The following LTBP1 variants were observed in gnomAD, a reference collection of about 807,000 sequenced individuals.
LTBP1 encodes the protein latent transforming growth factor beta binding protein 1.
A neutral mutation model predicts 207.6 loss-of-function variants in LTBP1; 129 were observed. The observed-to-expected ratio is 0.62, with a 90% CI of 0.54 to 0.72. The LOEUF is 0.72. Ranked by LOEUF, LTBP1 falls within the 30% of genes least tolerant of loss-of-function variation. The pLI is 0.00. For missense variants in LTBP1, 2,281 were observed against 2,217.2 expected, an observed-to-expected ratio of 1.03 and a Z score of -0.58; for synonymous variants, 963 against 833.7, an observed-to-expected ratio of 1.16 and a Z score of -2.67.
At chr2:33,283,468 G>T (rs952213840) in intron 19 of LTBP1, among the ~76,000 whole-genome samples, 8 of 110,512 alleles carry the variant, frequency 7.2e-5, no homozygotes, top group African/African-American at 2.5e-4. Flanking sequence ...ACGGAGTCTC[G>T]CTCTTTCGCC....
intron 5 of LTBP1, among the ~76,000 whole-genome samples, chr2:33,183,118 C>T (rs760562741): frequency 2.0e-4 from 30 of 152,054 alleles, no homozygotes; most frequent in East Asian, 5.8e-4. Context: ...TTGTACAAAA[C>T]GTTGGAAGCT....
At chr2:32,984,095 G>A (rs79500623) in intron 2 of LTBP1, among the ~76,000 whole-genome samples, 6,004 of 152,188 alleles carry the variant, frequency 0.039, 193 homozygotes, top group Non-Finnish European at 0.066. Flanking sequence ...AGCACTCAAG[G>A]GAGGTCCCCC....
chr2:33,259,649 G>T (rs751416145), intron 13 of LTBP1, 39 bp downstream of exon 13: 3 of 1,568,208 alleles, frequency 1.9e-6, no homozygotes, highest in Non-Finnish European at 8.7e-7. Context: ...TTTTTTCAAC[G>T]CTCAAAGTGA....
chr2:33,132,144 T>G (rs1288073578), intron 4 of LTBP1, among the ~76,000 whole-genome samples: 1 of 152,230 alleles, frequency 6.6e-6, no homozygotes, highest in Non-Finnish European at 1.5e-5. Context: ...TCTTTTGAAG[T>G]GGGAAAATGT....
chr2:33,116,785 C>CA (rs756030533), intron 4 of LTBP1, among the ~76,000 whole-genome samples: 5,719 of 132,072 alleles, frequency 0.043, 129 homozygotes, highest in Middle Eastern at 0.064. Flanking sequence ...CATTAAATTG[C>CA]AAAAAAAAAA....
intron 15 of LTBP1, among the ~76,000 whole-genome samples, chr2:33,264,079 C>A (rs1414698300): frequency 6.6e-6 from 1 of 151,414 alleles, no homozygotes; most frequent in South Asian, 2.1e-4. Flanking sequence ...CACGGTGAAA[C>A]CCCATCTCTA....
At chr2:32,970,743 C>CTT (rs35755633) in intron 2 of LTBP1, among the ~76,000 whole-genome samples, 2 of 147,514 alleles carry the variant, frequency 1.4e-5, no homozygotes, top group African/African-American at 5.0e-5. Flanking sequence ...TGTTTGGGCT[C>CTT]TTTTTTTTTT....
intron 24 of LTBP1, among the ~76,000 whole-genome samples, chr2:33,330,407 T>G (rs1252855108): frequency 6.6e-6 from 1 of 151,956 alleles, no homozygotes; most frequent in Non-Finnish European, 1.5e-5. Context: ...CAATGTTGAC[T>G]AGAAGTGGTG....
chr2:33,264,085 C>G (rs570928735), intron 15 of LTBP1, among the ~76,000 whole-genome samples: 4 of 151,766 alleles, frequency 2.6e-5, no homozygotes, highest in African/African-American at 7.3e-5. Flanking sequence ...GAAACCCCAT[C>G]TCTACTAAAA....
chr2:33,301,382 A>G lies in LTBP1; in HGVS notation c.3359-140A>G, dbSNP rs191972159. On this transcript the variant is annotated intron_variant, in intron 21 of 33. Transcript: ENST00000404816. ...AAGCAAAAAAGTCTCCTGAGATAGT[A>G]TTACAAAAGCGACAATACATGATGG... 1,324 of 968,452 alleles carry G rather than the reference A, an allele frequency of 1.4e-3. 17 individuals are homozygous for G. Among genetic ancestry groups the G allele is most frequent in the Non-Finnish European group, 2.0e-4 (135 of 681,570 alleles). 60.0% of individuals were successfully genotyped at this position (968,452 alleles called of 1,614,324 possible).
rs900521992 is a variant in LTBP1, at chr2:33,020,182, C to T, written c.566-727C>T. On this transcript the variant is annotated intron_variant, in intron 2 of 33. Transcript: ENST00000404816. ...TACAAACTAGCAGGTGTGTTTTGGG[C>T]GACTCTCAACCTTTCTGCCCTTGGT... 3.9e-5 allele frequency among the ~76,000 whole-genome samples: 6 copies of T among 152,002 alleles called. No homozygotes were observed. The South Asian group carries it at 6.2e-4, about 16-fold the overall frequency.
At chr2:33,100,421 G>A (rs1423174866) in intron 3 of LTBP1, among the ~76,000 whole-genome samples, 2 of 151,988 alleles carry the variant, frequency 1.3e-5, no homozygotes, top group Non-Finnish European at 2.9e-5. Context: ...GAAGGATGGG[G>A]GCAGGGGGGG....
intron 24 of LTBP1, among the ~76,000 whole-genome samples, chr2:33,342,540 A>T (rs996165963): frequency 1.1e-4 from 16 of 152,262 alleles, no homozygotes; most frequent in Admixed American, 9.2e-4. Context: ...AGAGTCGAGA[A>T]CGTTTAGGTA....
At chr2:33,346,713 G>A (rs540726844) in intron 25 of LTBP1, among the ~76,000 whole-genome samples, 1 of 151,636 alleles carries the variant, frequency 6.6e-6, no homozygotes, top group East Asian at 2.0e-4. Context: ...AGAGTAGAGT[G>A]TTGCGTCATT....
At chr2:33,013,786 C>G (rs538876972) in intron 2 of LTBP1, among the ~76,000 whole-genome samples, 1 of 152,282 alleles carries the variant, frequency 6.6e-6, no homozygotes, top group South Asian at 2.1e-4. Flanking sequence ...TTAACAACCA[C>G]TCCTGCTGAG....
Position 33,367,602 on chromosome 2 carries a change from T to A in LTBP1, c.4711+2099T>A, listed in dbSNP as rs1338419288. On this transcript the variant is annotated intron_variant, in intron 31 of 33. Transcript: ENST00000404816. ...ACCATTTATAAGTGAGAACGTTCAG[T>A]ATTTGACTTTCTGCTTCTGAGTAAT... Among the ~76,000 whole-genome samples the A allele has an allele frequency of 3.3e-5, 5 of 152,366 alleles. No homozygotes were observed. The East Asian group carries it at 9.6e-4, about 29-fold the overall frequency.
intron 3 of LTBP1, among the ~76,000 whole-genome samples, chr2:33,048,251 G>A (rs2076545779): frequency 6.6e-6 from 1 of 152,202 alleles, no homozygotes; most frequent in Non-Finnish European, 1.5e-5. Flanking sequence ...ACAAGGAGCT[G>A]TGTGACTGTA....
chr2:32,961,570 T>C (rs1475731054), intron 2 of LTBP1, among the ~76,000 whole-genome samples: 2 of 152,112 alleles, frequency 1.3e-5, no homozygotes, highest in African/African-American at 4.8e-5. Flanking sequence ...CACCTCAACA[T>C]CTAATTTACA....
chr2:33,286,555 A>G (rs975095492), intron 19 of LTBP1, among the ~76,000 whole-genome samples: 5 of 152,244 alleles, frequency 3.3e-5, no homozygotes, highest in African/African-American at 9.6e-5. Flanking sequence ...ATGTGCAAAC[A>G]TTAGCTTTAT....
Sources: gnomAD v4.1 joint callset for allele counts (sites outside exome capture counted in the v4.1 genomes callset) on GRCh38, gnomAD v4.1.1 for gene constraint, MANE v1.5 for transcripts, NCBI Gene and HGNC (gene_info 2026-07-23, HGNC 2026-07-21) for gene names.